CCDC85A: variants seen among roughly 807,000 people sequenced by gnomAD.
CCDC85A encodes the protein coiled-coil domain-containing protein 85A.
Under a neutral mutation model 50.2 loss-of-function variants are expected in CCDC85A, and 38 were observed. The ratio of observed to expected loss-of-function variants is 0.76; its 90% confidence interval spans 0.58 to 0.99. The LOEUF (loss-of-function observed/expected upper bound fraction) is 0.99, where lower values mean the gene tolerates loss of function less well. CCDC85A is among the 50% of genes least tolerant of loss of function. The probability of loss-of-function intolerance (pLI) is 0.00; values close to 1 mark genes in which losing one functional copy is unlikely to be tolerated. For synonymous variants in CCDC85A, 366 were observed against 301.4 expected (o/e 1.21, Z -2.22); for missense variants, 820 against 742.0 (o/e 1.11, Z -1.22).
intron 2 of CCDC85A, among the ~76,000 whole-genome samples, chr2:56,328,271 G>C (rs764340541): frequency 6.6e-6 from 1 of 152,184 alleles, no homozygotes; most frequent in Non-Finnish European, 1.5e-5. Context: ...GAAGGATAGA[G>C]AGAACTCGCT....
intron 2 of CCDC85A, among the ~76,000 whole-genome samples, chr2:56,246,530 T>C (rs1194140584): frequency 3.9e-5 from 6 of 152,326 alleles, no homozygotes; most frequent in African/African-American, 1.4e-4. Context: ...TGGTCCATTT[T>C]GAGTTAACTT....
At chr2:56,203,155 G>A (rs1676814330) in intron 2 of CCDC85A, among the ~76,000 whole-genome samples, 1 of 152,170 alleles carries the variant, frequency 6.6e-6, no homozygotes, top group Admixed American at 6.5e-5. Flanking sequence ...ATGGAGTCAT[G>A]GGAGAAAGTG....
chr2:56,226,130 T>G (rs1668532395), intron 2 of CCDC85A, among the ~76,000 whole-genome samples: 1 of 152,196 alleles, frequency 6.6e-6, no homozygotes, highest in South Asian at 2.1e-4. Flanking sequence ...TGTAATGAAC[T>G]GTGGTTAAGA....
chr2:56,301,428 C>A (rs1244004297), intron 2 of CCDC85A, among the ~76,000 whole-genome samples: 1 of 152,174 alleles, frequency 6.6e-6, no homozygotes, highest in African/African-American at 2.4e-5. Flanking sequence ...CACTTGTTCT[C>A]AATCGTAATT....
chr2:56,346,271 G>A (rs1247634962), intron 3 of CCDC85A, among the ~76,000 whole-genome samples: 1 of 152,176 alleles, frequency 6.6e-6, no homozygotes, highest in African/African-American at 2.4e-5. Flanking sequence ...TCCCTGGTTA[G>A]ATGCAAAGAC....
At chr2:56,372,173 G>C (rs1676105555) in intron 3 of CCDC85A, among the ~76,000 whole-genome samples, 171 bp from the exon 4 acceptor site, 1 of 152,114 alleles carries the variant, frequency 6.6e-6, no homozygotes, top group African/African-American at 2.4e-5. Context: ...TAATATGTAG[G>C]ACTTCAGATT....
intron 2 of CCDC85A, among the ~76,000 whole-genome samples, chr2:56,247,434 C>A (rs1669560522): frequency 6.6e-6 from 1 of 152,132 alleles, no homozygotes; most frequent in Non-Finnish European, 1.5e-5. Context: ...ATACATCATG[C>A]AACTGGCACT....
At chr2:56,193,741 A>G (rs1676419500) in intron 2 of CCDC85A, among the ~76,000 whole-genome samples, 1 of 152,180 alleles carries the variant, frequency 6.6e-6, no homozygotes, top group South Asian at 2.1e-4. Context: ...TATTGGTGAT[A>G]AAAAATAGAA....
intron 2 of CCDC85A, among the ~76,000 whole-genome samples, chr2:56,316,472 T>C (rs1188297380): frequency 1.3e-5 from 2 of 152,160 alleles, no homozygotes; most frequent in African/African-American, 4.8e-5. Context: ...GAATTTTATT[T>C]TTAACTTTGT....
chr2:56,283,133 G>A (rs1022185427), intron 2 of CCDC85A, among the ~76,000 whole-genome samples: 1 of 152,056 alleles, frequency 6.6e-6, no homozygotes, highest in African/African-American at 2.4e-5. Context: ...AATATGTGTA[G>A]TTTATTTATT....
At chr2:56,271,529 G>A (rs1001471) in intron 2 of CCDC85A, among the ~76,000 whole-genome samples, 26,133 of 152,078 alleles carry the variant, frequency 0.17, 2,710 homozygotes, top group East Asian at 0.34. Context: ...AGTGGTATAC[G>A]GGTGAGTTTT....
chr2:56,245,901 A>C (rs868586236), intron 2 of CCDC85A, among the ~76,000 whole-genome samples: 1 of 152,306 alleles, frequency 6.6e-6, no homozygotes, highest in Middle Eastern at 3.4e-3. Flanking sequence ...CCCAGTTTCC[A>C]GAACTGGGAG....
chr2:56,371,511 T>C lies in CCDC85A; in HGVS notation c.1318-833T>C, dbSNP rs970409735. 2.4e-4 allele frequency among the ~76,000 whole-genome samples: 36 copies of C among 152,092 alleles called. 1 individual carries two copies. The highest frequency in any genetic ancestry group is 2.0e-3 in the Admixed American group (31 of 15,284). ...TGCGTATTTTCCATAATTAAAATTA[T>C]TAAATTATTAAAATTATTTTCTTAT... On this transcript the variant is annotated intron_variant, in intron 3 of 5. Coordinates refer to ENST00000407595, the MANE Select transcript of CCDC85A (RefSeq NM_001080433.2).
intron 5 of CCDC85A, chr2:56,379,778 G>A (rs563493294): frequency 9.1e-5 from 90 of 984,318 alleles, no homozygotes; most frequent in Non-Finnish European, 9.9e-5. Context: ...ACTATAGATC[G>A]TCAACAGGGT....
At chr2:56,326,178 T>C (rs1248578541) in intron 2 of CCDC85A, among the ~76,000 whole-genome samples, 1 of 152,090 alleles carries the variant, frequency 6.6e-6, no homozygotes. Context: ...ACACCTCAGG[T>C]TAAGTCCAGA....
At chr2:56,355,943 C>G (rs1252922155) in intron 3 of CCDC85A, among the ~76,000 whole-genome samples, 1 of 152,192 alleles carries the variant, frequency 6.6e-6, no homozygotes, top group Non-Finnish European at 1.5e-5. Flanking sequence ...TACATAAAAG[C>G]TGGCTCTAAG....
Position 56,384,206 on chromosome 2 carries a change from T to C in CCDC85A, c.1573-60T>C, listed in dbSNP as rs1174535112. On this transcript the variant is annotated intron_variant, in intron 5 of 5. Transcript: ENST00000407595. ...CCTCTCTTAATTTACCCTTAAGAAA[T>C]GCAAATCTCCTTGTGAAAGAGGAAA... is the stretch of plus-strand genomic sequence containing the variant. 5 of 1,475,854 alleles carry C rather than the reference T, an allele frequency of 3.4e-6. No homozygotes were observed. The Admixed American group carries it at 5.1e-5, about 15-fold the overall frequency. 91.4% of individuals were successfully genotyped at this position (1,475,854 alleles called of 1,614,324 possible). A position where few individuals can be genotyped will look rare whatever the true frequency, so the allele number is the denominator to read the frequency against.
At chr2:56,373,733 A>T (rs955286794) in intron 4 of CCDC85A, among the ~76,000 whole-genome samples, 1 of 152,226 alleles carries the variant, frequency 6.6e-6, no homozygotes, top group African/African-American at 2.4e-5. Context: ...GAAATATGGC[A>T]CTGCAATGGT....
At chr2:56,252,394 A>G (rs892412097) in intron 2 of CCDC85A, among the ~76,000 whole-genome samples, 1 of 152,148 alleles carries the variant, frequency 6.6e-6, no homozygotes, top group African/African-American at 2.4e-5. Flanking sequence ...TTGTAGGGTC[A>G]ATGACAGGGA....
Sources: gnomAD v4.1 joint callset for allele counts (sites outside exome capture counted in the v4.1 genomes callset) on GRCh38, gnomAD v4.1.1 for gene constraint, MANE v1.5 for transcripts, NCBI Gene and HGNC (gene_info 2026-07-23, HGNC 2026-07-21) for gene names.